Variants in GDPD1 observed in about 807,000 individuals in gnomAD.
The protein encoded by GDPD1 is lysophospholipase D GDPD1.
A neutral mutation model predicts 45.1 loss-of-function variants in GDPD1; 28 were observed. The observed-to-expected ratio is 0.62, with a 90% CI of 0.46 to 0.85. The LOEUF (loss-of-function observed/expected upper bound fraction) is 0.85, where lower values mean the gene tolerates loss of function less well. Among genes scored for constraint, GDPD1 ranks in the 40% least tolerant of loss-of-function variants. The probability of loss-of-function intolerance (pLI) is 0.00; values close to 1 mark genes in which losing one functional copy is unlikely to be tolerated. For synonymous variants in GDPD1, 139 were observed against 131.4 expected, an observed-to-expected ratio of 1.06 and a Z score of -0.40; for missense variants, 256 against 364.8, an observed-to-expected ratio of 0.70 and a Z score of 2.43.
chr17:59,251,769 G>A (rs1312614419), intron 4 of GDPD1, among the ~76,000 whole-genome samples: 1 of 151,788 alleles, frequency 6.6e-6, no homozygotes, highest in Admixed American at 6.6e-5. Context: ...ACTTTGGGAG[G>A]CTAAGGCAGG....
At position 59,245,522 on chromosome 17, in the gene GDPD1, T is replaced by C. The variant is rs763941933; in HGVS notation, c.294T>C (p.Asn98=). The C allele has an allele frequency of 1.2e-6, 2 of 1,610,892 alleles. No homozygotes were observed. Among genetic ancestry groups the C allele is most frequent in the Non-Finnish European group, 1.7e-6 (2 of 1,177,636 alleles). ...DENLKRATGV[N]VNISDLKYCE... The stretch of plus-strand genomic sequence containing the variant: ...ATCTAAAGAGAGCAACTGGGGTCAA[T>C]GTAAACATCTCTGATCTCAAATACT... Residue 98 remains asparagine (N), a synonymous_variant, in exon 3 of 10, where the codon AAT becomes AAC. Coordinates refer to ENST00000284116, the MANE Select transcript of GDPD1 (RefSeq NM_182569.4).
chr17:59,222,603 C>T (rs186956632), intron 1 of GDPD1, among the ~76,000 whole-genome samples: 43 of 147,262 alleles, frequency 2.9e-4, no homozygotes, highest in African/African-American at 1.1e-3. Flanking sequence ...CAGCCTCTGC[C>T]TCCTGTGTTC....
At chr17:59,271,821 G>T (rs1321780264) in intron 8 of GDPD1, among the ~76,000 whole-genome samples, 2 of 151,732 alleles carry the variant, frequency 1.3e-5, no homozygotes, top group African/African-American at 4.8e-5. Context: ...TTTTAGTAGA[G>T]ATGAGGTTTC....
In GDPD1 at chr17:59,248,751, T is replaced by C. The variant is rs762776400; in HGVS notation, c.333T>C (p.Pro111=). Residue 111 remains proline, a synonymous_variant, in exon 4 of 10, where the codon CCT becomes CCC. Transcript: ENST00000284116. ...ATATCTTTTTAAAGGAGCTCCCACC[T>C]TACCTTGGCAAACTGGATGTCTCAT... ...ISDLKYCELP[P]YLGKLDVSFQ... The C allele has an allele frequency of 6.2e-7, 1 of 1,604,664 alleles. No individual in the cohort carries two copies. Among genetic ancestry groups the C allele is most frequent in the South Asian group, 1.1e-5 (1 of 89,008 alleles).
intron 1 of GDPD1, among the ~76,000 whole-genome samples, chr17:59,231,585 C>T (rs2147876649): frequency 6.6e-6 from 1 of 152,122 alleles, no homozygotes; most frequent in Non-Finnish European, 1.5e-5. Flanking sequence ...CTTGGCCTCC[C>T]AAAGTCCTGG....
chr17:59,255,817 A>G lies in GDPD1; in HGVS notation c.368-1305A>G, dbSNP rs1470518835. On this transcript the variant is annotated intron_variant, in intron 4 of 9. Transcript: ENST00000284116. Reference sequence around the variant, plus strand: ...TATATGTATATATATATATACGCGTATATATATATACGCGTATATATATAT... The same window carrying G: ...TATATGTATATATATATATACGCGTGTATATATATACGCGTATATATATAT... 2.1e-4 allele frequency among the ~76,000 whole-genome samples: 13 copies of G among 63,332 alleles called. No individual in the cohort carries two copies. The East Asian group carries it at 2.8e-3, about 14-fold the overall frequency. 41.5% of individuals were successfully genotyped at this position (63,332 alleles called of 152,430 possible).
chr17:59,232,230 A>G (rs1209178542), intron 1 of GDPD1, among the ~76,000 whole-genome samples: 1 of 152,156 alleles, frequency 6.6e-6, no homozygotes, highest in East Asian at 1.9e-4. Context: ...AGGCGGGCGG[A>G]TCACAAGGTC....
chr17:59,220,754 G>T lies in GDPD1; in HGVS notation c.142+3G>T. 6.2e-7 allele frequency: 1 copy of T among 1,612,368 alleles called. No individual in the cohort carries two copies. The highest frequency in any genetic ancestry group is 8.5e-7 in the Non-Finnish European group (1 of 1,179,762). ...TAAACACATCTCTCACCGCGGAGGTGAGAGGGGTCCCCAGAACCCGATGAC... is the reference window on the plus strand; with the variant it reads ...TAAACACATCTCTCACCGCGGAGGTTAGAGGGGTCCCCAGAACCCGATGAC... On this transcript the variant is annotated splice_donor_region_variant and intron_variant, in intron 1 of 9. Coordinates refer to ENST00000284116, the MANE Select transcript of GDPD1 (RefSeq NM_182569.4).
chr17:59,254,746 C>T (rs2047283656), intron 4 of GDPD1, among the ~76,000 whole-genome samples: 1 of 152,170 alleles, frequency 6.6e-6, no homozygotes, highest in South Asian at 2.1e-4. Context: ...TCCAGTTGCT[C>T]AAGCAGTAAT....
chr17:59,235,081 A>G (rs987811665), intron 2 of GDPD1, among the ~76,000 whole-genome samples: 8 of 152,116 alleles, frequency 5.3e-5, no homozygotes, highest in African/African-American at 1.9e-4. Flanking sequence ...ACAGGAATGA[A>G]AACTAATTAA....
chr17:59,248,652 G>A, intron 3 of GDPD1, 88 bp from the exon 4 acceptor site: 1 of 913,232 alleles, frequency 1.1e-6, no homozygotes, highest in Admixed American at 2.1e-5. Flanking sequence ...GTATGTTAAA[G>A]AAGCATATCT....
At chr17:59,242,882 A>G (rs1018191821) in intron 2 of GDPD1, among the ~76,000 whole-genome samples, 2 of 152,184 alleles carry the variant, frequency 1.3e-5, no homozygotes, top group African/African-American at 4.8e-5. Context: ...CTTGCAGTGC[A>G]CATGTGGGCA....
rs556707909 is a variant in GDPD1 at position 59,238,422 on chromosome 17, T to A, written c.185+3888T>A. On this transcript the variant is annotated intron_variant, in intron 2 of 9. Coordinates refer to ENST00000284116, the MANE Select transcript of GDPD1 (RefSeq NM_182569.4). Reference sequence around the variant, plus strand: ...GGCTCTTCTATTATTTTTTATTTTTTTTTTTTTCCGAGACGGAGTCTCACT... The same window carrying A: ...GGCTCTTCTATTATTTTTTATTTTTATTTTTTTCCGAGACGGAGTCTCACT... Among the ~76,000 whole-genome samples, 42 of 151,262 alleles carry A rather than the reference T, an allele frequency of 2.8e-4. No homozygotes were observed. In the South Asian group the frequency reaches 3.1e-3, roughly 11 times the overall value.
chr17:59,256,835 TA>T (rs2047313075), intron 4 of GDPD1, among the ~76,000 whole-genome samples: 1 of 152,134 alleles, frequency 6.6e-6, no homozygotes. Flanking sequence ...ATAAGCACAG[TA>T]AATCAACAGG....
chr17:59,255,594 T>A (rs2047290202), intron 4 of GDPD1, among the ~76,000 whole-genome samples: 1 of 140,286 alleles, frequency 7.1e-6, no homozygotes, highest in African/African-American at 2.7e-5. Context: ...ATACAAAAAA[T>A]TAGCCAGGTG....
chr17:59,270,825 G>A (rs1481736106), intron 7 of GDPD1, 111 bp from the exon 8 acceptor site: 1 of 619,768 alleles, frequency 1.6e-6, no homozygotes, highest in Admixed American at 3.0e-5. Flanking sequence ...AATATTTTTT[G>A]AGAATATACA....
intron 2 of GDPD1, among the ~76,000 whole-genome samples, chr17:59,240,527 C>T (rs1237257890): frequency 6.6e-6 from 1 of 151,986 alleles, no homozygotes; most frequent in African/African-American, 2.4e-5. Context: ...GTCTCTTAGG[C>T]TGGAGTACAG....
At chr17:59,270,450 C>A (rs890084254) in intron 7 of GDPD1, among the ~76,000 whole-genome samples, 6 of 152,040 alleles carry the variant, frequency 3.9e-5, no homozygotes, top group Non-Finnish European at 8.8e-5. Flanking sequence ...GCACCAGCCT[C>A]AGCCTCCCAA....
chr17:59,256,286 C>T (rs977138608), intron 4 of GDPD1, among the ~76,000 whole-genome samples: 10 of 151,956 alleles, frequency 6.6e-5, no homozygotes, highest in Non-Finnish European at 1.3e-4. Flanking sequence ...CACTGCACTC[C>T]AGTCTGGGCG....
Sources: allele counts gnomAD v4.1 joint callset (sites outside exome capture counted in the v4.1 genomes callset), GRCh38; gene constraint gnomAD v4.1.1; transcripts MANE v1.5; gene names NCBI Gene and HGNC (gene_info 2026-07-23, HGNC 2026-07-21).